The following TRIM37 variants were observed in gnomAD, a reference collection of about 807,000 sequenced individuals.
TRIM37 encodes the protein E3 ubiquitin-protein ligase TRIM37.
TRIM37 carries 80 observed loss-of-function variants against 129.8 expected under a neutral mutation model. The ratio of observed to expected loss-of-function variants is 0.62; its 90% CI spans 0.51 to 0.74. The LOEUF (loss-of-function observed/expected upper bound fraction) is 0.74, where lower values mean the gene tolerates loss of function less well. TRIM37 is among the 30% of genes least tolerant of loss of function. The pLI is 0.00. For synonymous variants in TRIM37, 389 were observed against 387.1 expected (o/e 1.00, Z -0.06); for missense variants, 1,054 against 1,176.5 (o/e 0.90, Z 1.52).
chr17:59,067,624 T>C (rs1344957785), intron 9 of TRIM37, among the ~76,000 whole-genome samples: 2 of 152,136 alleles, frequency 1.3e-5, no homozygotes, highest in African/African-American at 2.4e-5. Context: ...AGCTATACTA[T>C]TGTATCTTTT....
At chr17:59,030,175 G>A (rs548322312) in intron 18 of TRIM37, among the ~76,000 whole-genome samples, 1 of 151,844 alleles carries the variant, frequency 6.6e-6, no homozygotes, top group South Asian at 2.1e-4. Context: ...GCACGATCTC[G>A]GCTCACTGCA....
At chr17:59,088,676 C>T (rs992698512) in intron 3 of TRIM37, among the ~76,000 whole-genome samples, 2 of 151,852 alleles carry the variant, frequency 1.3e-5, no homozygotes, top group African/African-American at 4.8e-5. Flanking sequence ...ACCATCAAAC[C>T]CAGCTAATTT....
At chr17:59,027,627 C>T (rs2037386407) in intron 19 of TRIM37, among the ~76,000 whole-genome samples, 1 of 152,206 alleles carries the variant, frequency 6.6e-6, no homozygotes, top group Non-Finnish European at 1.5e-5. Context: ...AATTCCTGTC[C>T]TCAACCCTTT....
intron 2 of TRIM37, among the ~76,000 whole-genome samples, chr17:59,101,670 AAAAAAAAATATAT>A (rs1333484762): frequency 8.5e-6 from 1 of 117,870 alleles, no homozygotes; most frequent in African/African-American, 3.7e-5. Context: ...AAAAAAAAAA[AAAAAAAAATATAT>A]ATATATATAT....
intron 5 of TRIM37, among the ~76,000 whole-genome samples, chr17:59,081,575 T>C (rs1471530993): frequency 3.9e-5 from 6 of 152,146 alleles, no homozygotes; most frequent in Non-Finnish European, 7.3e-5. Flanking sequence ...TCAAACTTCT[T>C]TCCACCAGGA....
chr17:58,984,374 A>G (rs756341056), intron 24 of TRIM37: 1 of 152,680 alleles, frequency 6.5e-6, no homozygotes, highest in African/African-American at 2.4e-5. Context: ...GTTTACAGAT[A>G]AAACTGCTGT....
At position 59,001,533 on chromosome 17, in the gene TRIM37, A is replaced by C. The variant is rs970551316; in HGVS notation, c.2812+65T>G. ...AAAGTAGAAGTAGCAGCAGCAGAAG[A>C]AGAAGAAAGAGAAGCGGCAGCGGTG... is the stretch of plus-strand genomic sequence containing the variant. On this transcript the variant is annotated intron_variant, in intron 23 of 23. Transcript: ENST00000262294. 4 of 1,606,814 alleles carry C rather than the reference A, an allele frequency of 2.5e-6. No homozygotes were observed. In the African/African-American group the frequency reaches 5.4e-5, roughly 22 times the overall value.
intron 19 of TRIM37, among the ~76,000 whole-genome samples, chr17:59,027,803 CCT>C (rs2037405001): frequency 6.6e-6 from 1 of 152,178 alleles, no homozygotes; most frequent in Non-Finnish European, 1.5e-5. Context: ...ATTCTGCCTA[CCT>C]CTCTCTGACT....
At chr17:59,081,973 T>C (rs1206974585) in intron 5 of TRIM37, among the ~76,000 whole-genome samples, 1 of 121,268 alleles carries the variant, frequency 8.2e-6, no homozygotes, top group South Asian at 2.6e-4. Flanking sequence ...AAAATAATAA[T>C]AATAATAATA....
chr17:59,092,232 A>G (rs146236250), intron 2 of TRIM37, among the ~76,000 whole-genome samples: 2,517 of 152,102 alleles, frequency 0.017, 59 homozygotes, highest in African/African-American at 0.057. Context: ...GTCTCTACTA[A>G]AAACACAAAA....
intron 22 of TRIM37, among the ~76,000 whole-genome samples, chr17:59,007,757 T>C (rs536279151): frequency 2.0e-4 from 31 of 152,296 alleles, no homozygotes; most frequent in African/African-American, 7.2e-4. Context: ...TTTATGTTCA[T>C]ATCTAAGAAA....
chr17:59,049,312 CATCATT>C lies in TRIM37; in HGVS notation c.1390_1395del (p.Asn464_Asp465del). The C allele has an allele frequency of 1.2e-6, 2 of 1,614,162 alleles. No homozygotes were observed. The highest frequency in any genetic ancestry group is 1.7e-6 in the Non-Finnish European group (2 of 1,180,042). The stretch of plus-strand genomic sequence containing the variant: ...TTCTTAGCTCGTGTCTCCAGAGCAT[CATCATT>C]TTGGGGGCTAAGATGGTTATCTGGT... On this transcript the variant is annotated inframe_deletion, in exon 15 of 24. Transcript: ENST00000262294.
intron 19 of TRIM37, 32 bp downstream of exon 19, chr17:59,028,383 T>C (rs774255944): frequency 2.5e-6 from 4 of 1,597,812 alleles, no homozygotes. Flanking sequence ...AAATAACGTG[T>C]GGAGAAATGA....
At chr17:59,086,839 A>C (rs2043796056) in intron 4 of TRIM37, among the ~76,000 whole-genome samples, 1 of 152,184 alleles carries the variant, frequency 6.6e-6, no homozygotes, top group Non-Finnish European at 1.5e-5. Context: ...GCAAGTAAGA[A>C]AGACTAGCAG....
At chr17:59,098,509 A>T (rs1447553243) in intron 2 of TRIM37, among the ~76,000 whole-genome samples, 3 of 151,978 alleles carry the variant, frequency 2.0e-5, no homozygotes, top group African/African-American at 7.3e-5. Context: ...TACAAAAAAT[A>T]AAAAAATTAG....
chr17:59,071,043 G>GA (rs1273791339), intron 8 of TRIM37, 96 bp from the exon 9 acceptor site: 5 of 1,386,062 alleles, frequency 3.6e-6, no homozygotes, highest in South Asian at 1.3e-5. Context: ...ATTATAAACT[G>GA]AAAAAAATGA....
At chr17:59,042,447 A>ACATATATATATAT (rs1366333212) in intron 16 of TRIM37, among the ~76,000 whole-genome samples, 1 of 38,986 alleles carries the variant, frequency 2.6e-5, no homozygotes, top group African/African-American at 9.1e-5. Flanking sequence ...AAAAAAAAAA[A>ACATATATATATAT]AAATATATAT....
intron 19 of TRIM37, among the ~76,000 whole-genome samples, chr17:59,018,390 AGGTAATAAACAGG>A (rs1388549293): frequency 6.6e-5 from 10 of 152,336 alleles, no homozygotes; most frequent in African/African-American, 2.4e-4. Context: ...ATTCATTAAT[AGGTAATAAACAGG>A]TTTAGCATGG....
chr17:58,967,945 A>T, the TRIM37 span, among the ~76,000 whole-genome samples: 1 of 152,056 alleles, frequency 6.6e-6, no homozygotes. Flanking sequence ...CTGGGAGTAC[A>T]GGCGCGTGCC....
Sources: allele counts gnomAD v4.1 joint callset (sites outside exome capture counted in the v4.1 genomes callset), GRCh38; gene constraint gnomAD v4.1.1; transcripts MANE v1.5; gene names NCBI Gene and HGNC (gene_info 2026-07-23, HGNC 2026-07-21).